The following BTD variants were observed in gnomAD, a reference collection of about 807,000 sequenced individuals.
BTD encodes biotinidase.
A neutral mutation model predicts 17.7 loss-of-function variants in BTD; 13 were observed. That is an observed-to-expected ratio of 0.74 (90% confidence interval 0.48 to 1.17). BTD has a LOEUF of 1.17. Ranked by LOEUF, BTD falls within the 50% of genes most tolerant of loss-of-function variation. The pLI is 0.00. For missense variants in BTD, 674 were observed against 650.4 expected, an observed-to-expected ratio of 1.04 and a Z score of -0.39; for synonymous variants, 240 against 245.2, an observed-to-expected ratio of 0.98 and a Z score of 0.20.
rs923936553 is a variant in BTD at position 15,677,544 on chromosome 3, G to C, written c.400-32516G>C. ...ATCTTGTAAAGTCAGTTCTGCACTA[G>C]CACTGCTAACCAGCATCTCTGGGAG... On this transcript the variant is annotated intron_variant, in intron 3 of 3. Transcript: ENST00000672141. 11 of 1,612,266 alleles carry C rather than the reference G, an allele frequency of 6.8e-6. No individual in the cohort carries two copies. Among genetic ancestry groups the C allele is most frequent in the African/African-American group, 1.3e-5 (1 of 74,872 alleles).
intron 3 of BTD, among the ~76,000 whole-genome samples, chr3:15,703,781 C>T (rs554380553): frequency 1.6e-4 from 25 of 152,090 alleles, no homozygotes; most frequent in African/African-American, 5.1e-4. Context: ...GGATAGAGGA[C>T]GGAAGAGTTA....
intron 3 of BTD, among the ~76,000 whole-genome samples, chr3:15,697,960 G>T: frequency 6.6e-6 from 1 of 151,952 alleles, no homozygotes; most frequent in East Asian, 1.9e-4. Flanking sequence ...TTTAGTCTTG[G>T]GAGGGTGTAT....
Position 15,641,904 on chromosome 3 carries a change from T to A in BTD, c.250-4T>A, listed in dbSNP as rs2065520281. ...AGACTATTCTTTGATGTTTTCATTT[T>A]CAGGATGTACAGATTATAGTGTTTC... On this transcript the variant is annotated splice_polypyrimidine_tract_variant and splice_region_variant and intron_variant, in intron 2 of 3. Transcript: ENST00000643237. The A allele has an allele frequency of 6.2e-7, 1 of 1,600,290 alleles. No homozygotes were observed. Among genetic ancestry groups the A allele is most frequent in the African/African-American group, 1.3e-5 (1 of 74,840 alleles).
intron 3 of BTD, among the ~76,000 whole-genome samples, chr3:15,670,959 TAAA>T (rs1380925298): frequency 6.6e-6 from 1 of 152,134 alleles, no homozygotes; most frequent in Admixed American, 6.5e-5. Context: ...TAAGAAAAAA[TAAA>T]AAAATTTAAT....
At position 15,649,719 on chromosome 3, in the gene BTD, C is replaced by G. The variant is rs967871718; in HGVS notation, c.*4231C>G. On this transcript the variant is annotated 3_prime_UTR_variant, in exon 4 of 4. Coordinates refer to ENST00000643237, the MANE Select transcript of BTD (RefSeq NM_001370658.1). ...TTCTGATGAACACTCATCCATCCTTCAAGGTCTACTCTCTCATCACAGCTT... is the reference window on the plus strand; with the variant it reads ...TTCTGATGAACACTCATCCATCCTTGAAGGTCTACTCTCTCATCACAGCTT... Among the ~76,000 whole-genome samples, 1 of 152,222 alleles carries G rather than the reference C, an allele frequency of 6.6e-6. No individual in the cohort carries two copies. The highest frequency in any genetic ancestry group is 2.4e-5 in the African/African-American group (1 of 41,466).
rs2065732240 is a variant in BTD, at chr3:15,647,957, C to T, written c.*2469C>T. 6.6e-6 allele frequency among the ~76,000 whole-genome samples: 1 copy of T among 152,358 alleles called. No homozygotes were observed. The highest frequency in any genetic ancestry group is 1.9e-4 in the East Asian group (1 of 5,192). ...TCCCAGAGCCCACCATGTCTGCTCT[C>T]AAGACACAGGCCTGTCCAGAGCCCC... On this transcript the variant is annotated 3_prime_UTR_variant, in exon 4 of 4. Coordinates refer to ENST00000643237, the MANE Select transcript of BTD (RefSeq NM_001370658.1).
At position 15,635,363 on chromosome 3, in the gene BTD, C is replaced by A; in HGVS notation, c.-16-61C>A. ...GGGATTAATAAATCACAGCTGCAAA[C>A]GTTAAATTCTTGGCAGGATTCTTTA... is the stretch of plus-strand genomic sequence containing the variant. On this transcript the variant is annotated intron_variant, in intron 1 of 3. Coordinates refer to ENST00000643237, the MANE Select transcript of BTD (RefSeq NM_001370658.1). This position sits in a 1 kb window ranked among gnomAD's most constrained non-coding sequence, Gnocchi z 4.1. The A allele has an allele frequency of 2.5e-6, 4 of 1,610,330 alleles. No individual in the cohort carries two copies. Among genetic ancestry groups the A allele is most frequent in the Non-Finnish European group, 3.4e-6 (4 of 1,177,502 alleles).
Position 15,635,581 on chromosome 3 carries a change from A to G in BTD, c.142A>G (p.Ile48Val), listed in dbSNP as rs114092911. The G allele has an allele frequency of 1.2e-3, 1,912 of 1,614,192 alleles. 17 individuals are homozygous for G. In the African/African-American group the frequency reaches 0.023, roughly 19 times the overall value. Residue 48 changes from isoleucine (I) to valine (V), a missense_variant, in exon 2 of 4, where the codon ATC (isoleucine) becomes GTC (valine). Ile to Val is a conservative substitution (Grantham distance 29). Transcript: ENST00000643237. This position sits in a 1 kb window ranked among gnomAD's most constrained non-coding sequence, Gnocchi z 4.1. ...YVAAVYEHPS[I>V]LSLNPLALIS... Reference sequence around the variant, plus strand: ...GGCTGCCGTGTATGAGCATCCATCCATCCTGAGTCTGAACCCTCTGGCTCT... The same window carrying G: ...GGCTGCCGTGTATGAGCATCCATCCGTCCTGAGTCTGAACCCTCTGGCTCT...
chr3:15,678,182 A>T (rs748848253), intron 3 of BTD: 21 of 1,584,718 alleles, frequency 1.3e-5, no homozygotes, highest in Non-Finnish European at 9.4e-6. Context: ...TACTTAGGAA[A>T]ATACAATTTT....
rs559136372 is a variant in BTD, at chr3:15,645,205, A to G, written c.1289A>G (p.His430Arg). ...GTCTTTGATGGGCTTCACACAGTAC[A>G]TGGCACTTACTACATCCAAGTGTGT... ...LGVFDGLHTVHGTYYIQVCAL... is the reference protein window; with the variant it reads ...LGVFDGLHTVRGTYYIQVCAL... Residue 430 changes from histidine to arginine, a missense_variant, in exon 4 of 4, where the codon CAT becomes CGT. His to Arg is a conservative substitution (Grantham distance 29). Transcript: ENST00000643237. 9 of 1,614,046 alleles carry G rather than the reference A, an allele frequency of 5.6e-6. No individual in the cohort carries two copies. The highest frequency in any genetic ancestry group is 1.3e-5 in the African/African-American group (1 of 74,906).
intron 1 of BTD, among the ~76,000 whole-genome samples, chr3:15,621,620 A>T (rs1219908707): frequency 1.3e-5 from 2 of 149,910 alleles, no homozygotes; most frequent in Non-Finnish European, 1.5e-5. Context: ...TTCCTTTGAG[A>T]TGGAGTTTCG....
intron 3 of BTD, 69 bp from the exon 4 acceptor site, chr3:15,644,247 G>A (rs1375117306): frequency 3.3e-5 from 49 of 1,503,504 alleles, no homozygotes; most frequent in Middle Eastern, 2.2e-4. Flanking sequence ...TGATCCACCC[G>A]CCTCAGCCTC....
At chr3:15,676,622 C>G (rs562942044) in intron 3 of BTD, 2 of 194,494 alleles carry the variant, frequency 1.0e-5, no homozygotes, top group Non-Finnish European at 2.1e-5. Context: ...TACAGACACA[C>G]ATAAAGCTTC....
At chr3:15,661,211 G>T (rs2065918651) in intron 3 of BTD, among the ~76,000 whole-genome samples, 1 of 149,312 alleles carries the variant, frequency 6.7e-6, no homozygotes, top group African/African-American at 2.5e-5. Context: ...GACTGCAGTG[G>T]GTTGAGATCA....
rs2065767798 is a variant in BTD, at chr3:15,649,546, AGCCT to A, written c.*4059_*4062del. On this transcript the variant is annotated 3_prime_UTR_variant, in exon 4 of 4. Coordinates refer to ENST00000643237, the MANE Select transcript of BTD (RefSeq NM_001370658.1). ...TCAGGCCAAAGTTCACATTCTGCAC[AGCCT>A]CAGCTCCGCCTGACCTCTGAGCTCA... is the stretch of plus-strand genomic sequence containing the variant. Among the ~76,000 whole-genome samples, 6 of 152,306 alleles carry A rather than the reference AGCCT, an allele frequency of 3.9e-5. No individual in the cohort carries two copies. Among genetic ancestry groups the A allele is most frequent in the African/African-American group, 1.4e-4 (6 of 41,574 alleles).
At chr3:15,634,707 TG>T (rs1456088496) in intron 1 of BTD, among the ~76,000 whole-genome samples, 1 of 152,078 alleles carries the variant, frequency 6.6e-6, no homozygotes, top group African/African-American at 2.4e-5. Context: ...GTCACAGAGA[TG>T]GGGTTAAGAA....
chr3:15,713,108 C>G (rs2072541175), downstream of BTD, among the ~76,000 whole-genome samples: 1 of 152,042 alleles, frequency 6.6e-6, no homozygotes, highest in African/African-American at 2.4e-5. Flanking sequence ...GGGGTAAGAA[C>G]TCCTTCGTAG....
chr3:15,673,787 C>A (rs2066623949), intron 3 of BTD, among the ~76,000 whole-genome samples: 1 of 151,984 alleles, frequency 6.6e-6, no homozygotes, highest in Non-Finnish European at 1.5e-5. Context: ...TATAACCCTG[C>A]TATGGAGGGG....
chr3:15,601,955 C>T, intron 1 of BTD, 61 bp downstream of exon 1: 1 of 1,593,158 alleles, frequency 6.3e-7, no homozygotes, highest in Admixed American at 1.7e-5. Flanking sequence ...GTCCAGACCC[C>T]GCCCCGGGCG....
Sources: gnomAD v4.1 joint callset for allele counts (sites outside exome capture counted in the v4.1 genomes callset) on GRCh38, gnomAD v4.1.1 for gene constraint, Gnocchi (gnomAD v3.1) non-coding constraint, MANE v1.5 for transcripts, NCBI Gene and HGNC (gene_info 2026-07-23, HGNC 2026-07-21) for gene names.